The following PATJ variants were observed in gnomAD, a reference collection of about 807,000 sequenced individuals.
The protein encoded by PATJ is PATJ crumbs cell polarity complex component, also known as inaD-like protein.
PATJ carries 190 observed loss-of-function variants against 224.9 expected under a neutral mutation model. The ratio of observed to expected loss-of-function variants is 0.84; its 90% CI spans 0.75 to 0.95. The LOEUF (loss-of-function observed/expected upper bound fraction) is 0.95, where lower values mean the gene tolerates loss of function less well. Ranked by LOEUF, PATJ falls within the 40% of genes least tolerant of loss-of-function variation. PATJ has a pLI of 0.00. For synonymous variants in PATJ, 769 were observed against 820.3 expected (o/e 0.94, Z 1.07); for missense variants, 2,121 against 2,270.3 (o/e 0.93, Z 1.34).
intron 35 of PATJ, among the ~76,000 whole-genome samples, chr1:62,115,809 A>G (rs1664392806): frequency 6.6e-6 from 1 of 151,882 alleles, no homozygotes; most frequent in Admixed American, 6.6e-5. Context: ...TTATTAAAAT[A>G]AAAATATTAG....
intron 31 of PATJ, among the ~76,000 whole-genome samples, chr1:62,078,105 G>A (rs1658635586): frequency 6.6e-6 from 1 of 152,142 alleles, no homozygotes; most frequent in Non-Finnish European, 1.5e-5. Flanking sequence ...AGTTACCTTG[G>A]TCCTATTTCT....
At chr1:62,104,867 T>C (rs1000241852) in intron 33 of PATJ, among the ~76,000 whole-genome samples, 1 of 152,052 alleles carries the variant, frequency 6.6e-6, no homozygotes, top group African/African-American at 2.4e-5. Context: ...AGACGGGGTT[T>C]CACCATGTTG....
chr1:62,032,562 G>A (rs916664880), intron 29 of PATJ, among the ~76,000 whole-genome samples: 1 of 152,166 alleles, frequency 6.6e-6, no homozygotes, highest in Non-Finnish European at 1.5e-5. Context: ...TTAGCATTTT[G>A]TCTAACACAA....
At chr1:61,843,023 T>C (rs1349023519) in intron 17 of PATJ, among the ~76,000 whole-genome samples, 2 of 152,202 alleles carry the variant, frequency 1.3e-5, no homozygotes, top group South Asian at 2.1e-4. Context: ...CCACCTTGTT[T>C]GTGAGTGTCA....
At chr1:62,028,247 T>C (rs1290054130) in intron 29 of PATJ, among the ~76,000 whole-genome samples, 1 of 151,972 alleles carries the variant, frequency 6.6e-6, no homozygotes, top group Non-Finnish European at 1.5e-5. Flanking sequence ...GGCTGGAGAG[T>C]AGTGGCTCTT....
intron 24 of PATJ, among the ~76,000 whole-genome samples, chr1:61,906,447 A>T (rs1671870607): frequency 6.6e-6 from 1 of 152,210 alleles, no homozygotes; most frequent in African/African-American, 2.4e-5. Flanking sequence ...CCTCAGTAGC[A>T]TAAACTCAGA....
At chr1:62,076,072 C>G (rs1658251867) in intron 31 of PATJ, among the ~76,000 whole-genome samples, 1 of 152,216 alleles carries the variant, frequency 6.6e-6, no homozygotes. Flanking sequence ...GGACCCCCAT[C>G]CCAGACCAAA....
At chr1:61,938,852 T>C (rs901598226) in intron 27 of PATJ, among the ~76,000 whole-genome samples, 1 of 152,194 alleles carries the variant, frequency 6.6e-6, no homozygotes, top group Non-Finnish European at 1.5e-5. Flanking sequence ...CAATAAATGA[T>C]CGACTGTGTA....
chr1:61,839,253 T>C (rs1370760290), intron 17 of PATJ, among the ~76,000 whole-genome samples: 2 of 152,150 alleles, frequency 1.3e-5, no homozygotes, highest in Non-Finnish European at 1.5e-5. Context: ...CAGAAGACCT[T>C]TCTGTTTTTT....
intron 1 of PATJ, among the ~76,000 whole-genome samples, chr1:61,749,682 GTT>G (rs35267431): frequency 6.9e-6 from 1 of 145,646 alleles, no homozygotes. Flanking sequence ...GCAGCCTGGT[GTT>G]TTTTTTTTTG....
chr1:61,901,318 G>A lies in PATJ; in HGVS notation c.3240G>A (p.Gly1080=). 2 of 1,559,172 alleles carry A rather than the reference G, an allele frequency of 1.3e-6. No homozygotes were observed. Among genetic ancestry groups the A allele is most frequent in the Non-Finnish European group, 1.7e-6 (2 of 1,162,152 alleles). ...EIFREPNVSL[G]ISIVGGQTVI... is the part of the protein sequence containing the mutation. ...TTAGAGAACCCAATGTGTCTCTTGG[G>A]ATCAGTATTGTTGGTGGACAAACTG... The change falls in exon 24 of 44, where the codon GGG becomes GGA. Residue 1080 remains glycine (G), a synonymous_variant. Transcript: ENST00000642238.
Position 62,125,091 on chromosome 1 carries a change from G to A in PATJ, c.5043+2033G>A, listed in dbSNP as rs562864621. On this transcript the variant is annotated intron_variant, in intron 39 of 43. Transcript: ENST00000642238. ...TAATTTCTTTTAAAATTAGACAGGC[G>A]TGGTGGTGCATGCCTGTGGTTCCAG... Among the ~76,000 whole-genome samples, 9 of 151,780 alleles carry A rather than the reference G, an allele frequency of 5.9e-5. No homozygotes were observed. The South Asian group carries it at 6.3e-4, about 11-fold the overall frequency.
At chr1:61,814,923 C>A (rs1483048001) in intron 14 of PATJ, among the ~76,000 whole-genome samples, 1 of 152,140 alleles carries the variant, frequency 6.6e-6, no homozygotes, top group African/African-American at 2.4e-5. Context: ...ATTTACTGAG[C>A]TCCTACTCTG....
At chr1:62,154,564 G>A (rs1668972929) in intron 43 of PATJ, among the ~76,000 whole-genome samples, 1 of 148,862 alleles carries the variant, frequency 6.7e-6, no homozygotes. Context: ...GGGAGGCTGA[G>A]ACATGAAAAT....
intron 33 of PATJ, among the ~76,000 whole-genome samples, chr1:62,099,487 G>A (rs1412565835): frequency 6.7e-6 from 1 of 150,122 alleles, no homozygotes; most frequent in African/African-American, 2.5e-5. Context: ...CTCAATGTGA[G>A]ATTTAATGTG....
At chr1:61,757,077 T>C (rs527816868) in intron 1 of PATJ, among the ~76,000 whole-genome samples, 112 of 95,310 alleles carry the variant, frequency 1.2e-3, no homozygotes, top group Non-Finnish European at 1.1e-4. Context: ...TGTGTCACTT[T>C]TACTTTTTTT....
intron 28 of PATJ, among the ~76,000 whole-genome samples, chr1:61,997,869 G>T (rs1245111859): frequency 1.4e-5 from 2 of 146,032 alleles, no homozygotes; most frequent in African/African-American, 2.5e-5. Flanking sequence ...CAGGCTGGGG[G>T]TGCAATAGAA....
chr1:62,079,095 T>C (rs1267826170), intron 31 of PATJ, among the ~76,000 whole-genome samples: 1 of 152,094 alleles, frequency 6.6e-6, no homozygotes, highest in African/African-American at 2.4e-5. Flanking sequence ...AGTCCATAGA[T>C]AAAGGGGCTT....
chr1:61,993,495 A>G (rs979587720), intron 28 of PATJ, among the ~76,000 whole-genome samples: 1 of 152,152 alleles, frequency 6.6e-6, no homozygotes, highest in African/African-American at 2.4e-5. Flanking sequence ...GAACATTCCA[A>G]GCTTTTAGCT....
Sources: gnomAD v4.1 joint callset for allele counts (sites outside exome capture counted in the v4.1 genomes callset) on GRCh38, gnomAD v4.1.1 for gene constraint, MANE v1.5 for transcripts, NCBI Gene and HGNC (gene_info 2026-07-23, HGNC 2026-07-21) for gene names.